Variants in DHRSX observed in about 807,000 individuals in gnomAD.
DHRSX encodes polyprenol dehydrogenase.
A neutral mutation model predicts 34.0 loss-of-function variants in DHRSX; 31 were observed. The observed-to-expected ratio is 0.91, with a 90% CI of 0.69 to 1.23. DHRSX has a LOEUF of 1.23. Ranked by LOEUF, DHRSX falls within the 50% of genes most tolerant of loss-of-function variation. DHRSX has a pLI of 0.00. For missense variants in DHRSX, 414 were observed against 428.1 expected, an observed-to-expected ratio of 0.97 and a Z score of 0.29; for synonymous variants, 201 against 183.8, an observed-to-expected ratio of 1.09 and a Z score of -0.76.
intron 2 of DHRSX, among the ~76,000 whole-genome samples, chrX:2,420,816 G>C (rs1441955113): frequency 6.6e-6 from 1 of 151,932 alleles, no homozygotes; most frequent in East Asian, 1.9e-4. Flanking sequence ...GAAAATAACT[G>C]CTTGATGGAA....
intron 3 of DHRSX, among the ~76,000 whole-genome samples, chrX:2,319,542 C>CAAAAA (rs776261461): frequency 2.8e-5 from 3 of 107,356 alleles, no homozygotes; most frequent in Non-Finnish European, 3.6e-5. Flanking sequence ...GACTCCATCT[C>CAAAAA]AAAAAAAAAA....
chrX:2,438,038 G>A (rs1476041979), intron 1 of DHRSX, among the ~76,000 whole-genome samples: 16 of 151,560 alleles, frequency 1.1e-4, no homozygotes, highest in African/African-American at 3.9e-4. Context: ...CTGGCCGGGC[G>A]CGGTGGCTCA....
rs1231356498 is a variant in DHRSX at position 2,434,280 on chromosome X, G to A, written c.110-8976C>T. On this transcript the variant is annotated intron_variant, in intron 1 of 6. Transcript: ENST00000334651. ...AAAGTAGGGTTGTTATCCAGAATGC[G>A]TATGCCTTGGAGAAGTTAGAAGTTT... Among the ~76,000 whole-genome samples the A allele has an allele frequency of 5.9e-5, 9 of 152,206 alleles. 1 individual carries two copies. The highest frequency in any genetic ancestry group is 3.3e-4 in the Admixed American group (5 of 15,280).
At chrX:2,221,686 T>C (rs1184418077) in intron 6 of DHRSX, among the ~76,000 whole-genome samples, 2 of 152,190 alleles carry the variant, frequency 1.3e-5, no homozygotes, top group Non-Finnish European at 2.9e-5. Context: ...CATCGGAGAA[T>C]TGAGGCATTT....
At chrX:2,304,237 A>G (rs1268363645) in intron 3 of DHRSX, among the ~76,000 whole-genome samples, 32 of 117,418 alleles carry the variant, frequency 2.7e-4, no homozygotes, top group African/African-American at 3.3e-4. Flanking sequence ...GGATGGATGG[A>G]TGGATAAATG....
intron 5 of DHRSX, among the ~76,000 whole-genome samples, chrX:2,246,670 AAAAG>A (rs1400217722): frequency 0.027 from 3,754 of 137,020 alleles, 215 homozygotes; most frequent in African/African-American, 0.093. Flanking sequence ...GAAAAGAAAG[AAAAG>A]AAAGAAAGAA....
intron 1 of DHRSX, among the ~76,000 whole-genome samples, chrX:2,485,067 A>T (rs1317657): frequency 6.6e-6 from 1 of 152,026 alleles, no homozygotes; most frequent in Non-Finnish European, 1.5e-5. Context: ...GGAAACAAAA[A>T]CAACCAGCTC....
intron 1 of DHRSX, among the ~76,000 whole-genome samples, chrX:2,482,069 G>T (rs964725051): frequency 6.7e-6 from 1 of 149,894 alleles, no homozygotes; most frequent in South Asian, 2.1e-4. Flanking sequence ...GGGCTCAAGC[G>T]ATCCTTCAGC....
rs367899838 is a variant in DHRSX at position 2,463,654 on chromosome X, G to A, written c.109+37163C>T. 1.1e-4 allele frequency among the ~76,000 whole-genome samples: 17 copies of A among 152,276 alleles called. No homozygotes were observed. The East Asian group carries it at 3.3e-3, about 29-fold the overall frequency. Reference sequence around the variant, plus strand: ...AAGAAGGATGTGGACAAGGGAAAGAGAAGGAATGAATGCGGTCAGGACGCT... The same window carrying A: ...AAGAAGGATGTGGACAAGGGAAAGAAAAGGAATGAATGCGGTCAGGACGCT... On this transcript the variant is annotated intron_variant, in intron 1 of 6. Coordinates refer to ENST00000334651, the MANE Select transcript of DHRSX (RefSeq NM_145177.3).
At chrX:2,495,372 GTTA>G (rs1429290550) in intron 1 of DHRSX, among the ~76,000 whole-genome samples, 1 of 151,820 alleles carries the variant, frequency 6.6e-6, no homozygotes, top group Non-Finnish European at 1.5e-5. Flanking sequence ...TAATATTATT[GTTA>G]TTATTTAGGT....
chrX:2,405,175 C>T (rs2043536676), intron 3 of DHRSX, among the ~76,000 whole-genome samples: 1 of 152,156 alleles, frequency 6.6e-6, no homozygotes, highest in Non-Finnish European at 1.5e-5. Flanking sequence ...GTGTAGCGTT[C>T]ATTTCACTCT....
chrX:2,334,900 C>A (rs2042533426), intron 3 of DHRSX: 2 of 152,112 alleles, frequency 1.3e-5, no homozygotes, highest in Non-Finnish European at 2.9e-5. Context: ...AAAGTTAAGT[C>A]CGGGCGTGGT....
At chrX:2,341,562 G>A (rs2042640220) in intron 3 of DHRSX, among the ~76,000 whole-genome samples, 1 of 151,266 alleles carries the variant, frequency 6.6e-6, no homozygotes, top group African/African-American at 2.4e-5. Context: ...TGCAATCCAG[G>A]ATGATCTCAT....
intron 2 of DHRSX, among the ~76,000 whole-genome samples, chrX:2,416,623 T>C (rs1431071722): frequency 1.3e-5 from 2 of 152,268 alleles, no homozygotes; most frequent in East Asian, 3.9e-4. Flanking sequence ...ATTATCTGTC[T>C]CTTTACAGAA....
In DHRSX at chrX:2,381,797, CAAAAAAAA is replaced by C. The variant is rs767319246; in HGVS notation, c.286+26940_286+26947del. Among the ~76,000 whole-genome samples the C allele has an allele frequency of 7.8e-3, 634 of 81,614 alleles. 9 individuals are homozygous for C. The highest frequency in any genetic ancestry group is 0.029 in the African/African-American group (581 of 20,156). The allele number at this position is 81,614 out of a possible 152,430, so 53.5% of individuals were successfully genotyped here. The stretch of plus-strand genomic sequence containing the variant: ...ATCCCCGTTCTCAGGAAGCCACAAC[CAAAAAAAA>C]AAAAAAAAAAAAAAAGCCAGCAACA... On this transcript the variant is annotated intron_variant, in intron 3 of 6. Coordinates refer to ENST00000334651, the MANE Select transcript of DHRSX (RefSeq NM_145177.3).
intron 3 of DHRSX, among the ~76,000 whole-genome samples, chrX:2,387,915 A>AAC (rs1221193369): frequency 1.3e-5 from 2 of 150,894 alleles, no homozygotes; most frequent in Non-Finnish European, 3.0e-5. Context: ...AAAAAAAAAA[A>AAC]AAAAAAAAAC....
intron 1 of DHRSX, among the ~76,000 whole-genome samples, chrX:2,428,734 C>T (rs1228561613): frequency 2.6e-5 from 4 of 152,058 alleles, no homozygotes; most frequent in Non-Finnish European, 5.9e-5. Context: ...CAAACCTGCA[C>T]GTTCTGCACA....
chrX:2,348,700 T>A (rs748288279), intron 3 of DHRSX, among the ~76,000 whole-genome samples: 65 of 151,968 alleles, frequency 4.3e-4, no homozygotes, highest in African/African-American at 6.5e-4. Flanking sequence ...TTATTTTTTT[T>A]TTTTTTATTT....
At chrX:2,464,618 G>T (rs2044460073) in intron 1 of DHRSX, among the ~76,000 whole-genome samples, 2 of 151,426 alleles carry the variant, frequency 1.3e-5, no homozygotes, top group East Asian at 3.9e-4. Flanking sequence ...TGTGCACACT[G>T]AAGATGTTCC....
Sources: allele counts gnomAD v4.1 joint callset (sites outside exome capture counted in the v4.1 genomes callset), GRCh38; gene constraint gnomAD v4.1.1; transcripts MANE v1.5; gene names NCBI Gene and HGNC (gene_info 2026-07-23, HGNC 2026-07-21).